Variants in DLC1 observed in about 807,000 individuals in gnomAD.
DLC1 encodes the protein DLC1 Rho GTPase activating protein, also known as rho GTPase-activating protein 7.
In DLC1, 54 loss-of-function variants were observed where a neutral mutation model predicts 140.3. That is an observed-to-expected ratio of 0.38 (90% CI 0.31 to 0.48). The LOEUF (loss-of-function observed/expected upper bound fraction) is 0.48, where lower values mean the gene tolerates loss of function less well. Ranked by LOEUF, DLC1 falls within the 20% of genes least tolerant of loss-of-function variation. DLC1 has a pLI of 0.96. For synonymous variants in DLC1, 986 were observed against 728.1 expected (o/e 1.35, Z -5.70); for missense variants, 2,536 against 1,907.0 (o/e 1.33, Z -6.14).
At chr8:13,127,181 C>A (rs1048391548) in intron 5 of DLC1, among the ~76,000 whole-genome samples, 1 of 152,192 alleles carries the variant, frequency 6.6e-6, no homozygotes, top group African/African-American at 2.4e-5. Context: ...GGACACCCAG[C>A]CCCCTAAATG....
chr8:13,490,844 T>C (rs911587411), intron 2 of DLC1, among the ~76,000 whole-genome samples: 2 of 151,972 alleles, frequency 1.3e-5, no homozygotes, highest in African/African-American at 4.8e-5. Flanking sequence ...TAACAGCTGA[T>C]GTAAATGTGC....
intron 5 of DLC1, among the ~76,000 whole-genome samples, chr8:13,300,363 C>T (rs1251654263): frequency 1.3e-5 from 2 of 152,132 alleles, no homozygotes; most frequent in South Asian, 2.1e-4. Context: ...TTGATAGGTG[C>T]AGCAAACCAC....
At chr8:13,143,850 G>GAC (rs1554584140) in intron 5 of DLC1, among the ~76,000 whole-genome samples, 1 of 147,754 alleles carries the variant, frequency 6.8e-6, no homozygotes, top group Non-Finnish European at 1.5e-5. Context: ...GAGAGAGAGA[G>GAC]AGACATAGAC....
upstream of DLC1, among the ~76,000 whole-genome samples, chr8:13,515,300 T>C (rs1802548710): frequency 6.6e-6 from 1 of 152,192 alleles, no homozygotes; most frequent in Admixed American, 6.5e-5. Context: ...GACTTAAAAT[T>C]GGAAATGCTG....
chr8:13,581,374 C>A (rs1294703229), intron 1 of DLC1, among the ~76,000 whole-genome samples: 1 of 152,148 alleles, frequency 6.6e-6, no homozygotes, highest in Non-Finnish European at 1.5e-5. Context: ...TCTTGCTGTT[C>A]CCCCAGTCCT....
intron 2 of DLC1, among the ~76,000 whole-genome samples, chr8:13,461,973 C>T (rs289532): frequency 0.42 from 64,129 of 151,988 alleles, 13,714 homozygotes; most frequent in African/African-American, 0.45. Context: ...CCTCTCACCT[C>T]AGCAGTAGTG....
intron 1 of DLC1, among the ~76,000 whole-genome samples, chr8:13,547,896 T>C (rs1803707132): frequency 0.014 from 1 of 72 alleles, no homozygotes; most frequent in African/African-American, 0.05. Context: ...TTGGAATCTC[T>C]CTTTTTTCTT....
intron 2 of DLC1, among the ~76,000 whole-genome samples, chr8:13,461,797 C>G (rs548484507): frequency 6.6e-6 from 1 of 152,262 alleles, no homozygotes; most frequent in African/African-American, 2.4e-5. Flanking sequence ...CTCATCTCTC[C>G]TCTCTGATGC....
At chr8:13,290,797 G>A (rs900609828) in intron 5 of DLC1, among the ~76,000 whole-genome samples, 2 of 152,178 alleles carry the variant, frequency 1.3e-5, no homozygotes, top group African/African-American at 4.8e-5. Context: ...GAAACACTGA[G>A]GAGGAAAGTG....
chr8:13,540,318 T>G lies in DLC1; in HGVS notation c.-125-40122A>C, dbSNP rs117564372. ...CTCCAACTTTAGTAAAATACTGTTA[T>G]GTTTAAAAATGGGCTTAAATTTAAA... On this transcript the variant is annotated intron_variant, in intron 1 of 1. Coordinates refer to the DLC1 transcript ENST00000631382. Among the ~76,000 whole-genome samples the G allele has an allele frequency of 8.2e-3, 1,256 of 152,352 alleles. 7 individuals carry two copies. Among genetic ancestry groups the G allele is most frequent in the Middle Eastern group, 0.014 (4 of 294 alleles).
At chr8:13,512,350 C>T (rs761816486) in intron 1 of DLC1, among the ~76,000 whole-genome samples, 2 of 152,126 alleles carry the variant, frequency 1.3e-5, no homozygotes, top group Non-Finnish European at 2.9e-5. Context: ...TGCTTCAGCA[C>T]ACACAGCAAC....
chr8:13,206,789 C>T (rs906109474), intron 5 of DLC1, among the ~76,000 whole-genome samples: 2 of 151,810 alleles, frequency 1.3e-5, no homozygotes, highest in Non-Finnish European at 2.9e-5. Flanking sequence ...CCACAAACAC[C>T]ATTTGTTACC....
chr8:13,492,032 A>G (rs1801270669), intron 2 of DLC1, among the ~76,000 whole-genome samples: 1 of 152,196 alleles, frequency 6.6e-6, no homozygotes, highest in African/African-American at 2.4e-5. Flanking sequence ...TACATTATAC[A>G]TAGGATTACA....
intron 1 of DLC1, among the ~76,000 whole-genome samples, chr8:13,546,236 T>C (rs1029089502): frequency 6.6e-6 from 1 of 152,158 alleles, no homozygotes; most frequent in Non-Finnish European, 1.5e-5. Flanking sequence ...TAAATACTCA[T>C]GGAATTTTAT....
chr8:13,487,809 G>A (rs537774226), intron 2 of DLC1, among the ~76,000 whole-genome samples: 1 of 152,058 alleles, frequency 6.6e-6, no homozygotes, highest in Non-Finnish European at 1.5e-5. Flanking sequence ...CTGACCTTGT[G>A]ATCCACCCGC....
chr8:13,346,404 T>C (rs1326544316), intron 4 of DLC1, among the ~76,000 whole-genome samples: 2 of 152,242 alleles, frequency 1.3e-5, no homozygotes, highest in African/African-American at 4.8e-5. Context: ...CTAGTCTGAA[T>C]TTGCAAACAA....
chr8:13,334,323 G>A (rs1216344887), intron 4 of DLC1, among the ~76,000 whole-genome samples: 3 of 152,100 alleles, frequency 2.0e-5, no homozygotes, highest in African/African-American at 2.4e-5. Context: ...GTGGAAGATG[G>A]GGGAGAAGAG....
intron 5 of DLC1, among the ~76,000 whole-genome samples, chr8:13,251,403 C>A (rs1829997996): frequency 6.6e-6 from 1 of 152,014 alleles, no homozygotes; most frequent in Non-Finnish European, 1.5e-5. Context: ...GGATTGATAC[C>A]AATCTGGTAT....
chr8:13,511,813 A>G (rs561414875), intron 1 of DLC1, among the ~76,000 whole-genome samples: 119 of 152,300 alleles, frequency 7.8e-4, no homozygotes, highest in Non-Finnish European at 1.5e-3. Flanking sequence ...GTTTTTAAAG[A>G]GTGATTCTCA....
Sources: allele counts gnomAD v4.1 joint callset (sites outside exome capture counted in the v4.1 genomes callset), GRCh38; gene constraint gnomAD v4.1.1; transcripts MANE v1.5; gene names NCBI Gene and HGNC (gene_info 2026-07-23, HGNC 2026-07-21).